Variants in MYOF observed in about 807,000 individuals in gnomAD.
The protein encoded by MYOF is myoferlin, also known as fer-1-like 3, myoferlin.
MYOF carries 244 observed loss-of-function variants against 284.2 expected under a neutral mutation model. The observed-to-expected ratio is 0.86, with a 90% confidence interval of 0.77 to 0.95. MYOF has a LOEUF of 0.95. MYOF is among the 40% of genes least tolerant of loss of function. The probability of loss-of-function intolerance (pLI) is 0.00; values close to 1 mark genes in which losing one functional copy is unlikely to be tolerated. For synonymous variants in MYOF, 904 were observed against 919.7 expected, an observed-to-expected ratio of 0.98 and a Z score of 0.31; for missense variants, 2,496 against 2,560.6, an observed-to-expected ratio of 0.97 and a Z score of 0.54.
At chr10:93,447,359 T>A (rs192193612) in intron 3 of MYOF, among the ~76,000 whole-genome samples, 68 of 152,214 alleles carry the variant, frequency 4.5e-4, no homozygotes, top group Middle Eastern at 3.4e-3. Flanking sequence ...CGTCCAGGAA[T>A]GCACTTACCG....
At chr10:93,327,780 C>T (rs139298845) in intron 45 of MYOF, among the ~76,000 whole-genome samples, 6,542 of 151,836 alleles carry the variant, frequency 0.043, 225 homozygotes, top group Non-Finnish European at 0.066. Context: ...TTTTTTGAGA[C>T]AGGATCTCAC....
chr10:93,405,072 C>T lies in MYOF; in HGVS notation c.730-853G>A, dbSNP rs1267267745. The stretch of plus-strand genomic sequence containing the variant: ...GAAAGAATGGTAAAATAAATACCAC[C>T]TTTCACCTATGTTCACCAATTGTTC... On this transcript the variant is annotated intron_variant, in intron 7 of 53. Coordinates refer to ENST00000359263, the MANE Select transcript of MYOF (RefSeq NM_013451.4). 2.0e-5 allele frequency among the ~76,000 whole-genome samples: 3 copies of T among 152,258 alleles called. No homozygotes were observed. In the East Asian group the frequency reaches 5.8e-4, roughly 29 times the overall value.
intron 1 of MYOF, among the ~76,000 whole-genome samples, chr10:93,477,911 C>G (rs2057300120): frequency 6.6e-6 from 1 of 151,888 alleles, no homozygotes; most frequent in Non-Finnish European, 1.5e-5. Flanking sequence ...ACAGGGACAC[C>G]CACTGCAGTA....
At chr10:93,372,693 C>A (rs1329034786) in intron 24 of MYOF, among the ~76,000 whole-genome samples, 1 of 152,100 alleles carries the variant, frequency 6.6e-6, no homozygotes. Context: ...ATTCACAATG[C>A]CATGTTTATA....
In MYOF at chr10:93,401,456, A is replaced by G. The variant is rs767147615; in HGVS notation, c.1079T>C (p.Phe360Ser). The G allele has an allele frequency of 6.2e-7, 1 of 1,614,054 alleles. No homozygotes were observed. Among genetic ancestry groups the G allele is most frequent in the African/African-American group, 1.3e-5 (1 of 74,916 alleles). ...PAGIALRWVT[F>S]LLKIYRAEDI... ...CTCAGCTCGGTAGATTTTCAGCAAG[A>G]AGGTCACCCACCGGAGGGCAATGCC... Residue 360 changes from phenylalanine (F) to serine (S), a missense_variant, in exon 12 of 54, where the codon TTC (phenylalanine) becomes TCC (serine). Coordinates refer to ENST00000359263, the MANE Select transcript of MYOF (RefSeq NM_013451.4).
At chr10:93,456,425 TA>T (rs2056746074) in intron 2 of MYOF, among the ~76,000 whole-genome samples, 1 of 152,186 alleles carries the variant, frequency 6.6e-6, no homozygotes, top group Non-Finnish European at 1.5e-5. Flanking sequence ...TTTATCAACA[TA>T]AAACCAATAC....
chr10:93,351,317 G>A, intron 34 of MYOF, 22 bp from the exon 35 acceptor site: 1 of 1,610,288 alleles, frequency 6.2e-7, no homozygotes, highest in Non-Finnish European at 8.5e-7. Flanking sequence ...ACATGGATAT[G>A]TCAATGCCTC....
intron 46 of MYOF, chr10:93,323,697 G>A (rs41290190): frequency 0.041 from 12,090 of 294,984 alleles, 370 homozygotes; most frequent in Middle Eastern, 0.06. Flanking sequence ...GCACACGCAC[G>A]TGCACACACA....
chr10:93,450,152 G>A (rs2056550024), intron 3 of MYOF, among the ~76,000 whole-genome samples: 1 of 152,150 alleles, frequency 6.6e-6, no homozygotes, highest in African/African-American at 2.4e-5. Context: ...CCAGCACTTT[G>A]GGAAGCCGAG....
In MYOF at chr10:93,397,256, A is replaced by G. The variant is rs2134068966; in HGVS notation, c.1325T>C (p.Ile442Thr). The G allele has an allele frequency of 6.3e-7, 1 of 1,591,794 alleles. No homozygotes were observed. Among genetic ancestry groups the G allele is most frequent in the Non-Finnish European group, 8.6e-7 (1 of 1,163,312 alleles). ...CGTATTTTCAACTCACCAGTCATAT[A>G]TTGTTAGTTTTATTTTTTCACACAC... ...PSVCEKIKLT[I>T]YDWDRLTKND... The change falls in exon 15 of 54, where the codon ATA (isoleucine) becomes ACA (threonine). Residue 442 changes from isoleucine (I) to threonine (T), a missense_variant. Transcript: ENST00000359263.
intron 3 of MYOF, among the ~76,000 whole-genome samples, chr10:93,445,204 A>G (rs559548028): frequency 1.3e-5 from 2 of 152,318 alleles, no homozygotes; most frequent in South Asian, 4.1e-4. Context: ...GTATAACATA[A>G]AAGTCAAGTG....
chr10:93,397,043 G>A (rs577896567), intron 15 of MYOF: 39 of 469,328 alleles, frequency 8.3e-5, no homozygotes, highest in African/African-American at 6.5e-4. Flanking sequence ...TTGTTTATGA[G>A]CAGTTGAACC....
intron 11 of MYOF, 143 bp downstream of exon 11, chr10:93,402,089 G>C: frequency 1.5e-6 from 1 of 645,344 alleles, no homozygotes; most frequent in Non-Finnish European, 2.7e-6. Context: ...ATGAAGAAAA[G>C]AACAGCTTCT....
At chr10:93,447,085 G>A (rs1380295433) in intron 3 of MYOF, among the ~76,000 whole-genome samples, 1 of 152,116 alleles carries the variant, frequency 6.6e-6, no homozygotes, top group East Asian at 1.9e-4. Context: ...GATGCATGGT[G>A]CCCCTGAACC....
intron 19 of MYOF, among the ~76,000 whole-genome samples, chr10:93,387,582 C>T (rs577123027): frequency 2.0e-5 from 3 of 152,308 alleles, no homozygotes; most frequent in African/African-American, 4.8e-5. Flanking sequence ...AGTTAGCAAA[C>T]AGGTCATTCA....
At chr10:93,312,077 T>C (rs1842413951) in intron 51 of MYOF, among the ~76,000 whole-genome samples, 1 of 152,182 alleles carries the variant, frequency 6.6e-6, no homozygotes, top group African/African-American at 2.4e-5. Context: ...ATGAATACAG[T>C]TTATGTAAAT....
intron 4 of MYOF, among the ~76,000 whole-genome samples, chr10:93,428,375 T>C (rs1397251278): frequency 1.8e-3 from 1 of 558 alleles, no homozygotes; most frequent in Non-Finnish European, 9.1e-3. Context: ...TAATTTTTGT[T>C]TTTTTTTTTT....
intron 24 of MYOF, among the ~76,000 whole-genome samples, chr10:93,370,885 A>G (rs1287843897): frequency 6.6e-6 from 1 of 152,174 alleles, no homozygotes; most frequent in African/African-American, 2.4e-5. Flanking sequence ...TTAAACATAA[A>G]CAAAGTGAAC....
At chr10:93,423,160 T>C (rs960848205) in intron 5 of MYOF, among the ~76,000 whole-genome samples, 3 of 152,182 alleles carry the variant, frequency 2.0e-5, no homozygotes, top group Admixed American at 6.5e-5. Context: ...TAATCCACAG[T>C]GACCTTATCT....
Sources: gnomAD v4.1 joint callset for allele counts (sites outside exome capture counted in the v4.1 genomes callset) on GRCh38, gnomAD v4.1.1 for gene constraint, MANE v1.5 for transcripts, NCBI Gene and HGNC (gene_info 2026-07-23, HGNC 2026-07-21) for gene names.